RASA3: variants seen among roughly 807,000 people sequenced by gnomAD.
RASA3 encodes RAS p21 protein activator 3, also known as ras GTPase-activating protein 3.
RASA3 carries 73 observed loss-of-function variants against 110.0 expected under a neutral mutation model. That is an observed-to-expected ratio of 0.66 (90% CI 0.55 to 0.81). The LOEUF (loss-of-function observed/expected upper bound fraction) is 0.81, where lower values mean the gene tolerates loss of function less well. Among genes scored for constraint, RASA3 ranks in the 30% least tolerant of loss-of-function variants. RASA3 has a pLI of 0.00. For missense variants in RASA3, 976 were observed against 1,113.2 expected, an observed-to-expected ratio of 0.88 and a Z score of 1.75; for synonymous variants, 500 against 451.4, an observed-to-expected ratio of 1.11 and a Z score of -1.37.
chr13:113,983,213 C>T (rs934674813), intron 22 of RASA3, among the ~76,000 whole-genome samples: 21 of 129,916 alleles, frequency 1.6e-4, no homozygotes, highest in African/African-American at 5.8e-4. Flanking sequence ...CTAAGTAACC[C>T]TGAACAGAAT....
intron 23 of RASA3, among the ~76,000 whole-genome samples, 189 bp downstream of exon 23, chr13:113,981,486 G>C: frequency 6.6e-6 from 1 of 152,186 alleles, no homozygotes. Context: ...TCTGAAGGAG[G>C]GACCAGCAGC....
intron 4 of RASA3, among the ~76,000 whole-genome samples, chr13:114,031,087 G>A (rs2054157650): frequency 7.1e-6 from 1 of 141,002 alleles, no homozygotes; most frequent in Non-Finnish European, 1.5e-5. Context: ...GTGTCTACCT[G>A]TGTGTGCATG....
chr13:114,126,933 T>C (rs1290397543), intron 1 of RASA3, among the ~76,000 whole-genome samples: 1 of 151,754 alleles, frequency 6.6e-6, no homozygotes, highest in Non-Finnish European at 1.5e-5. Flanking sequence ...TACGTCCACG[T>C]CTCCCCCGAG....
At chr13:114,042,233 C>T (rs2054425932) in intron 3 of RASA3, among the ~76,000 whole-genome samples, 1 of 151,604 alleles carries the variant, frequency 6.6e-6, no homozygotes, top group African/African-American at 2.4e-5. Flanking sequence ...GAGCCATCTC[C>T]CATCCTGCGT....
chr13:114,059,375 G>A (rs148064600), intron 2 of RASA3, among the ~76,000 whole-genome samples: 5 of 152,260 alleles, frequency 3.3e-5, no homozygotes, highest in Non-Finnish European at 5.9e-5. Context: ...ACGTCTAAAT[G>A]TAAGAATCTG....
chr13:114,021,538 T>C, intron 8 of RASA3, 30 bp from the exon 9 acceptor site: 2 of 1,596,434 alleles, frequency 1.3e-6, no homozygotes, highest in Non-Finnish European at 1.7e-6. Flanking sequence ...CAGCTCTAGC[T>C]GACGGCGGGC....
At chr13:114,035,002 G>A (rs534033437) in intron 4 of RASA3, among the ~76,000 whole-genome samples, 10 of 150,766 alleles carry the variant, frequency 6.6e-5, no homozygotes, top group African/African-American at 2.4e-4. Flanking sequence ...AGAGCTGAAC[G>A]CTGACCTGAG....
rs1431553296 is a variant in RASA3, at chr13:113,978,235, T to C, written c.*1112A>G. The C allele has an allele frequency of 6.6e-6, 1 of 151,788 alleles. No homozygotes were observed. Among genetic ancestry groups the C allele is most frequent in the Non-Finnish European group, 1.5e-5 (1 of 67,984 alleles). The allele number at this position is 151,788 out of a possible 1,614,324, so 9.4% of individuals were successfully genotyped here. A position where few individuals can be genotyped will look rare whatever the true frequency, so the allele number is the denominator to read the frequency against. Reference sequence around the variant, plus strand: ...CCCTGCCCTGCACAGCATCTGGGGGTTCATAACACAGGTGCAATACTGACC... The same window carrying C: ...CCCTGCCCTGCACAGCATCTGGGGGCTCATAACACAGGTGCAATACTGACC... On this transcript the variant is annotated 3_prime_UTR_variant, in exon 24 of 24. Transcript: ENST00000334062.
chr13:114,064,526 T>A (rs80064843), intron 2 of RASA3, among the ~76,000 whole-genome samples: 1,782 of 152,240 alleles, frequency 0.012, 27 homozygotes, highest in African/African-American at 0.041. Flanking sequence ...GGGGCACCCA[T>A]TTTCTTTCAT....
intron 23 of RASA3, among the ~76,000 whole-genome samples, chr13:113,980,086 C>CTCG (rs1460781200): frequency 1.4e-5 from 2 of 145,522 alleles, no homozygotes; most frequent in African/African-American, 2.7e-5. Flanking sequence ...TGTGCACCAC[C>CTCG]TCCCACGTGT....
In RASA3 at chr13:114,024,329, C is replaced by T. The variant is rs142630294; in HGVS notation, c.630G>A (p.Lys210=). The T allele has an allele frequency of 5.0e-6, 8 of 1,613,940 alleles. No homozygotes were observed. In the South Asian group the frequency reaches 7.7e-5, roughly 16 times the overall value. Residue 210 remains lysine, a synonymous_variant, in exon 8 of 24, where the codon AAG becomes AAA. Transcript: ENST00000334062. ...FEVTRPCSYS[K]KSHFDFEEED... is the part of the protein sequence containing the mutation. ...CCTCCTCAAAGTCAAAGTGGGACTTCTTGCTGTAGCTACAGGGCCGGGTCA... is the reference window on the plus strand; with the variant it reads ...CCTCCTCAAAGTCAAAGTGGGACTTTTTGCTGTAGCTACAGGGCCGGGTCA...
chr13:114,032,828 G>A (rs1193777395), intron 4 of RASA3, among the ~76,000 whole-genome samples: 3 of 67,770 alleles, frequency 4.4e-5, no homozygotes, highest in African/African-American at 1.3e-4. Flanking sequence ...CACGCCCCAC[G>A]GCACCCCCAC....
rs558820028 is a variant in RASA3 at position 114,021,556 on chromosome 13, G to C, written c.681-48C>G. 15 of 1,479,946 alleles carry C rather than the reference G, an allele frequency of 1.0e-5. No individual in the cohort carries two copies. In the African/African-American group the frequency reaches 2.1e-4, roughly 20 times the overall value. 91.7% of individuals were successfully genotyped at this position (1,479,946 alleles called of 1,614,324 possible). A position where few individuals can be genotyped will look rare whatever the true frequency, so the allele number is the denominator to read the frequency against. Reference sequence around the variant, plus strand: ...CTCTAGCTGACGGCGGGCAGCCCGTGTGGAGCAAAGATGACAGGCCACGCT... The same window carrying C: ...CTCTAGCTGACGGCGGGCAGCCCGTCTGGAGCAAAGATGACAGGCCACGCT... On this transcript the variant is annotated intron_variant, in intron 8 of 23. Transcript: ENST00000334062.
intron 1 of RASA3, among the ~76,000 whole-genome samples, chr13:114,125,840 A>AC (rs2080439606): frequency 6.6e-6 from 1 of 151,668 alleles, no homozygotes. Context: ...TGCCTCCCCG[A>AC]CCCCCACCAC....
chr13:114,077,726 C>T (rs796556345), intron 1 of RASA3: 1 of 891,110 alleles, frequency 1.1e-6, no homozygotes, highest in African/African-American at 1.8e-5. Flanking sequence ...TCCTCCCTCC[C>T]TGCCCGATGA....
intron 3 of RASA3, among the ~76,000 whole-genome samples, chr13:114,050,431 T>C (rs1282722105): frequency 6.6e-6 from 1 of 152,254 alleles, no homozygotes; most frequent in Non-Finnish European, 1.5e-5. Context: ...ATGTATTTTC[T>C]AAACAAACTC....
At chr13:114,052,937 T>G (rs9590540) in intron 2 of RASA3, among the ~76,000 whole-genome samples, 18 of 111,278 alleles carry the variant, frequency 1.6e-4, no homozygotes, top group African/African-American at 5.3e-4. Flanking sequence ...CTGACTGTAC[T>G]TAGAGTCCTC....
Position 114,015,845 on chromosome 13 carries a change from G to A in RASA3, c.1281+352C>T, listed in dbSNP as rs56396898. On this transcript the variant is annotated intron_variant, in intron 13 of 23. Coordinates refer to ENST00000334062, the MANE Select transcript of RASA3 (RefSeq NM_007368.4). ...GCCCAAGGGAAGGAGGAGCCGGGGCGGAGGCAGAGCTGGTCAGGATTGTCC... is the reference window on the plus strand; with the variant it reads ...GCCCAAGGGAAGGAGGAGCCGGGGCAGAGGCAGAGCTGGTCAGGATTGTCC... Among the ~76,000 whole-genome samples, 1,018 of 152,244 alleles carry A rather than the reference G, an allele frequency of 6.7e-3. 16 individuals are homozygous for A. The highest frequency in any genetic ancestry group is 0.023 in the African/African-American group (945 of 41,540).
chr13:114,033,090 C>T (rs1594357924), intron 4 of RASA3, among the ~76,000 whole-genome samples: 4 of 45,200 alleles, frequency 8.8e-5, no homozygotes, highest in African/African-American at 1.9e-4. Flanking sequence ...GATACCATGC[C>T]CCACAGCACC....
Sources: gnomAD v4.1 joint callset for allele counts (sites outside exome capture counted in the v4.1 genomes callset) on GRCh38, gnomAD v4.1.1 for gene constraint, MANE v1.5 for transcripts, NCBI Gene and HGNC (gene_info 2026-07-23, HGNC 2026-07-21) for gene names.